PRSS23: variants seen among roughly 807,000 people sequenced by gnomAD.
The protein encoded by PRSS23 is protease, serine 23.
Under a neutral mutation model 34.7 loss-of-function variants are expected in PRSS23, and 25 were observed. That is an observed-to-expected ratio of 0.72 (90% CI 0.53 to 1.01). The LOEUF (loss-of-function observed/expected upper bound fraction) is 1.01, where lower values mean the gene tolerates loss of function less well. Among genes scored for constraint, PRSS23 ranks in the 50% least tolerant of loss-of-function variants. The pLI, the probability that PRSS23 is intolerant of heterozygous loss-of-function variation, is 0.00. For synonymous variants in PRSS23, 176 were observed against 186.6 expected (o/e 0.94, Z 0.46); for missense variants, 445 against 475.6 (o/e 0.94, Z 0.60).
intron 2 of PRSS23, among the ~76,000 whole-genome samples, chr11:86,888,446 A>G (rs1029274411): frequency 2.1e-4 from 32 of 152,220 alleles, no homozygotes; most frequent in African/African-American, 7.5e-4. Context: ...GAATCACTCT[A>G]AATCCAAGCA....
intron 1 of PRSS23, among the ~76,000 whole-genome samples, chr11:86,805,384 C>A (rs73520721): frequency 0.016 from 2,465 of 152,302 alleles, 65 homozygotes; most frequent in African/African-American, 0.056. Flanking sequence ...ATTGGCATCC[C>A]CTTCCTAGTC....
At chr11:86,916,232 C>CAA (rs141209153) in intron 2 of PRSS23, among the ~76,000 whole-genome samples, 1 of 151,512 alleles carries the variant, frequency 6.6e-6, no homozygotes, top group African/African-American at 2.4e-5. Context: ...TTTCTTTTTA[C>CAA]AAAAAAAACC....
At chr11:86,889,997 G>A (rs1033008170) in intron 2 of PRSS23, among the ~76,000 whole-genome samples, 3 of 152,084 alleles carry the variant, frequency 2.0e-5, no homozygotes, top group Non-Finnish European at 2.9e-5. Context: ...GGCCAGGTGC[G>A]GTGGCTCACG....
At chr11:86,923,911 C>G (rs1949063268) in intron 2 of PRSS23, among the ~76,000 whole-genome samples, 1 of 152,188 alleles carries the variant, frequency 6.6e-6, no homozygotes, top group South Asian at 2.1e-4. Context: ...AATGTGGGTG[C>G]TTTGGCTTGG....
Position 86,939,426 on chromosome 11 carries a change from A to ATATATTTTTTTTT in PRSS23, c.207-11789_207-11788insATATTTTTTTTTT. 7.7e-3 allele frequency among the ~76,000 whole-genome samples: 723 copies of ATATATTTTTTTTT among 93,912 alleles called. 10 individuals carry two copies. The highest frequency in any genetic ancestry group is 0.022 in the South Asian group (61 of 2,812). The allele number at this position is 93,912 out of a possible 152,430, so 61.6% of individuals were successfully genotyped here. On this transcript the variant is annotated intron_variant, in intron 2 of 2. Transcript: ENST00000533902. ...AAAATATATATATATATATATATAT[A>ATATATTTTTTTTT]TTTTTTAACATGAGTAAAAATTGCA...
chr11:86,879,675 G>GA, intron 2 of PRSS23, among the ~76,000 whole-genome samples: 1 of 136,588 alleles, frequency 7.3e-6, no homozygotes, highest in South Asian at 2.4e-4. Context: ...GAAGGAGGTG[G>GA]GGGGGTCAGC....
At chr11:86,894,576 T>A (rs535873674) in intron 2 of PRSS23, among the ~76,000 whole-genome samples, 1 of 152,262 alleles carries the variant, frequency 6.6e-6, no homozygotes, top group East Asian at 1.9e-4. Flanking sequence ...GCCTTCCATC[T>A]TATTGCTTCT....
intron 2 of PRSS23, among the ~76,000 whole-genome samples, chr11:86,864,195 C>T (rs1420090178): frequency 6.6e-6 from 1 of 151,840 alleles, no homozygotes; most frequent in African/African-American, 2.4e-5. Flanking sequence ...CACTGTATAG[C>T]CCATGATGGT....
At chr11:86,885,567 A>T (rs892112670) in intron 2 of PRSS23, among the ~76,000 whole-genome samples, 11 of 152,226 alleles carry the variant, frequency 7.2e-5, no homozygotes, top group Non-Finnish European at 1.5e-4. Flanking sequence ...TGAAGGTCTT[A>T]ACAGAACAGA....
intron 2 of PRSS23, among the ~76,000 whole-genome samples, chr11:86,866,411 A>G (rs965963989): frequency 2.0e-5 from 3 of 152,196 alleles, no homozygotes; most frequent in Admixed American, 2.0e-4. Context: ...TGACATTAGG[A>G]GAGATTACGC....
chr11:86,829,449 G>A (rs1019621648), intron 2 of PRSS23, among the ~76,000 whole-genome samples: 1 of 152,034 alleles, frequency 6.6e-6, no homozygotes, highest in African/African-American at 2.4e-5. Flanking sequence ...ATTTCCTCCT[G>A]TAGCTCATAG....
intron 2 of PRSS23, chr11:86,921,577 A>C (rs74390683): frequency 6.6e-6 from 1 of 152,206 alleles, no homozygotes; most frequent in Non-Finnish European, 1.5e-5. Flanking sequence ...ACAAAGTATC[A>C]CCTTTTTCTA....
At chr11:86,879,691 A>T (rs1387634337) in intron 2 of PRSS23, among the ~76,000 whole-genome samples, 2 of 74,388 alleles carry the variant, frequency 2.7e-5, no homozygotes, top group Non-Finnish European at 5.2e-5. Flanking sequence ...TCAGCCCCCC[A>T]CCCGGCCAGC....
chr11:86,866,664 A>G (rs1948651534), intron 2 of PRSS23, among the ~76,000 whole-genome samples: 1 of 152,192 alleles, frequency 6.6e-6, no homozygotes, highest in Non-Finnish European at 1.5e-5. Flanking sequence ...CTAATGTTGA[A>G]ATTTGATCCC....
At chr11:86,896,085 A>G (rs977945756) in intron 2 of PRSS23, among the ~76,000 whole-genome samples, 3 of 152,166 alleles carry the variant, frequency 2.0e-5, no homozygotes, top group African/African-American at 7.2e-5. Context: ...GGGTCTTTTT[A>G]AACTCCTTAA....
At chr11:86,791,846 A>G (rs1268394706) in intron 1 of PRSS23, among the ~76,000 whole-genome samples, 1 of 152,226 alleles carries the variant, frequency 6.6e-6, no homozygotes, top group Non-Finnish European at 1.5e-5. Context: ...GCCATGTGTA[A>G]GAGCTGAAAA....
At chr11:86,838,097 A>G (rs534813475) in intron 2 of PRSS23, among the ~76,000 whole-genome samples, 1 of 152,018 alleles carries the variant, frequency 6.6e-6, no homozygotes, top group Non-Finnish European at 1.5e-5. Context: ...AATTTTTAAA[A>G]TAGCTTTATT....
At chr11:86,859,709 C>T (rs1317690988) in intron 2 of PRSS23, among the ~76,000 whole-genome samples, 2 of 151,918 alleles carry the variant, frequency 1.3e-5, no homozygotes, top group African/African-American at 4.8e-5. Flanking sequence ...TACACCCCCC[C>T]TTCATAATAT....
At chr11:86,902,370 T>C (rs1948917270) in intron 2 of PRSS23, among the ~76,000 whole-genome samples, 1 of 152,206 alleles carries the variant, frequency 6.6e-6, no homozygotes. Context: ...CATTGGTACT[T>C]AATTTTTTTC....
Sources: gnomAD v4.1 joint callset for allele counts (sites outside exome capture counted in the v4.1 genomes callset) on GRCh38, gnomAD v4.1.1 for gene constraint, MANE v1.5 for transcripts, NCBI Gene and HGNC (gene_info 2026-07-23, HGNC 2026-07-21) for gene names.